Variants in MOV10 observed in about 807,000 individuals in gnomAD.
The protein encoded by MOV10 is Mov10 RNA helicase.
MOV10 carries 39 observed loss-of-function variants against 108.4 expected under a neutral mutation model. That is an observed-to-expected ratio of 0.36 (90% CI 0.28 to 0.47). The LOEUF (loss-of-function observed/expected upper bound fraction) is 0.47. MOV10 is among the 20% of genes least tolerant of loss of function. The pLI, the probability that MOV10 is intolerant of heterozygous loss-of-function variation, is 1.00. For synonymous variants in MOV10, 490 were observed against 523.1 expected, an observed-to-expected ratio of 0.94 and a Z score of 0.86; for missense variants, 952 against 1,297.6, an observed-to-expected ratio of 0.73 and a Z score of 4.09.
At position 112,689,093 on chromosome 1, in the gene MOV10, T is replaced by G. The variant is rs370943143; in HGVS notation, c.296T>G (p.Ile99Ser). 1.5e-5 allele frequency: 24 copies of G among 1,611,760 alleles called. 2 individuals are homozygous for G. In the South Asian group the frequency reaches 2.4e-4, roughly 16 times the overall value. ...AGGAGAATGAAGCTGGGGTCAGATA[T>G]CAGCAAACACCACAAGTCACTGCTA... is the stretch of plus-strand genomic sequence containing the variant. ...EKRRMKLGSD[I>S]SKHHKSLLAK... Residue 99 changes from isoleucine to serine, a missense_variant, in exon 3 of 21, where the codon ATC becomes AGC. Physicochemically the swap from Ile to Ser is moderately radical, Grantham distance 142. This residue lies in a region of MOV10 where 374 missense variants were observed against 468.6 expected (regional missense o/e 0.80). Coordinates refer to ENST00000369645, the MANE Select transcript of MOV10 (RefSeq NM_001321324.2).
chr1:112,681,099 C>A (rs1428827364), intron 2 of MOV10, among the ~76,000 whole-genome samples: 6 of 152,108 alleles, frequency 3.9e-5, no homozygotes, highest in Non-Finnish European at 5.9e-5. Context: ...GACCCCTCCC[C>A]TTATGGGCAT....
At chr1:112,685,216 G>T (rs1672978852) in intron 2 of MOV10, 1 of 145,930 alleles carries the variant, frequency 6.9e-6, no homozygotes, top group Admixed American at 7.1e-5. Flanking sequence ...TATTGCCCAG[G>T]CTGGTCTCAA....
rs1672036733 is a variant in MOV10 at position 112,674,716 on chromosome 1, A to C, written c.-79A>C. On this transcript the variant is annotated 5_prime_UTR_variant, in exon 1 of 21. Transcript: ENST00000369645. Reference sequence around the variant, plus strand: ...GGGAGGGGATAGGACGAAGAAACCGAAGGGAAAGCTCAGGTAAGAAAAGAA... The same window carrying C: ...GGGAGGGGATAGGACGAAGAAACCGCAGGGAAAGCTCAGGTAAGAAAAGAA... 1.9e-6 allele frequency: 1 copy of C among 519,572 alleles called. No homozygotes were observed. The highest frequency in any genetic ancestry group is 2.7e-5 in the South Asian group (1 of 37,686). The allele number at this position is 519,572 out of a possible 1,614,324, so 32.2% of individuals were successfully genotyped here. A position where few individuals can be genotyped will look rare whatever the true frequency, so the allele number is the denominator to read the frequency against.
intron 15 of MOV10, 53 bp downstream of exon 15, chr1:112,698,164 G>A: frequency 6.3e-7 from 1 of 1,597,092 alleles, no homozygotes; most frequent in South Asian, 1.1e-5. Context: ...CCCTCCCACT[G>A]AAGGTGCAGC....
At chr1:112,677,957 C>T (rs1035824953) in intron 2 of MOV10, among the ~76,000 whole-genome samples, 3 of 152,068 alleles carry the variant, frequency 2.0e-5, no homozygotes, top group East Asian at 1.9e-4. Context: ...TGTGCCTGTG[C>T]CTTGGTCCTT....
rs1673856498 is a variant in MOV10, at chr1:112,694,267, CG to C, written c.1295+99del. ...TTTCTCCCTGAGATAAATGAGACCC[CG>C]GGGCAGAGCAGGAGACTTTTCCTCA... On this transcript the variant is annotated intron_variant, in intron 8 of 20. Transcript: ENST00000369645. The surrounding 1 kb of genome is among the most constrained non-coding windows in gnomAD (Gnocchi z 4.1). 1 of 1,513,830 alleles carries C rather than the reference CG, an allele frequency of 6.6e-7. No individual in the cohort carries two copies. The highest frequency in any genetic ancestry group is 1.8e-5 in the Admixed American group (1 of 57,060). 93.8% of individuals were successfully genotyped at this position (1,513,830 alleles called of 1,614,324 possible).
chr1:112,677,349 C>G (rs1672275697), intron 2 of MOV10, among the ~76,000 whole-genome samples: 1 of 152,182 alleles, frequency 6.6e-6, no homozygotes. Flanking sequence ...ACTATCCCCG[C>G]TCTGTACCCT....
chr1:112,686,281 C>A (rs1266803508), intron 2 of MOV10, among the ~76,000 whole-genome samples: 1 of 152,224 alleles, frequency 6.6e-6, no homozygotes, highest in Non-Finnish European at 1.5e-5. Flanking sequence ...TGAAGCATAG[C>A]TGCTGTAGGC....
rs1297099658 is a variant in MOV10 at position 112,694,980 on chromosome 1, C to T, written c.1620+84C>T. On this transcript the variant is annotated intron_variant, in intron 10 of 20. Coordinates refer to ENST00000369645, the MANE Select transcript of MOV10 (RefSeq NM_001321324.2). The surrounding 1 kb of genome is among the most constrained non-coding windows in gnomAD (Gnocchi z 4.1). ...GTCCCCAGATTCTAGTTCCTTCCCACTCCCGAAATGCTCCTGCTTCTAAGC... is the reference window on the plus strand; with the variant it reads ...GTCCCCAGATTCTAGTTCCTTCCCATTCCCGAAATGCTCCTGCTTCTAAGC... The T allele has an allele frequency of 2.1e-6, 3 of 1,451,714 alleles. No homozygotes were observed. The highest frequency in any genetic ancestry group is 1.9e-6 in the Non-Finnish European group (2 of 1,075,140). The allele number at this position is 1,451,714 out of a possible 1,614,324, so 89.9% of individuals were successfully genotyped here.
intron 2 of MOV10, chr1:112,688,684 A>G: frequency 7.2e-7 from 1 of 1,382,748 alleles, no homozygotes; most frequent in Middle Eastern, 2.7e-4. Flanking sequence ...CCCCTCAGAA[A>G]CGAACAATCC....
chr1:112,686,604 G>A (rs1014884246), intron 2 of MOV10, among the ~76,000 whole-genome samples: 1 of 152,182 alleles, frequency 6.6e-6, no homozygotes, highest in Non-Finnish European at 1.5e-5. Flanking sequence ...TTTGGCCTGA[G>A]TTCTCAGCTT....
chr1:112,698,258 C>A (rs1384285059), intron 15 of MOV10, 29 bp from the exon 16 acceptor site: 3 of 1,605,846 alleles, frequency 1.9e-6, no homozygotes, highest in Non-Finnish European at 2.6e-6. Flanking sequence ...GGTGGTCTGG[C>A]TGACGGTTTC....
In MOV10 at chr1:112,689,403, C is replaced by T; in HGVS notation, c.342-12C>T. 2 of 1,600,366 alleles carry T rather than the reference C, an allele frequency of 1.2e-6. No individual in the cohort carries two copies. Among genetic ancestry groups the T allele is most frequent in the Non-Finnish European group, 1.7e-6 (2 of 1,168,090 alleles). On this transcript the variant is annotated splice_polypyrimidine_tract_variant and intron_variant, in intron 3 of 20. Transcript: ENST00000369645. Reference sequence around the variant, plus strand: ...CCCACCCCAACCCCCCCTTGACTCCCCTTCTCCCCAGGGCTGAGTATCTTC... The same window carrying T: ...CCCACCCCAACCCCCCCTTGACTCCTCTTCTCCCCAGGGCTGAGTATCTTC...
chr1:112,694,267 C>G lies in MOV10; in HGVS notation c.1295+95C>G. The G allele has an allele frequency of 6.6e-7, 1 of 1,513,950 alleles. No individual in the cohort carries two copies. Among genetic ancestry groups the G allele is most frequent in the Non-Finnish European group, 9.1e-7 (1 of 1,098,998 alleles). 93.8% of individuals were successfully genotyped at this position (1,513,950 alleles called of 1,614,324 possible). Reference sequence around the variant, plus strand: ...TTTCTCCCTGAGATAAATGAGACCCCGGGGCAGAGCAGGAGACTTTTCCTC... The same window carrying G: ...TTTCTCCCTGAGATAAATGAGACCCGGGGGCAGAGCAGGAGACTTTTCCTC... On this transcript the variant is annotated intron_variant, in intron 8 of 20. Coordinates refer to ENST00000369645, the MANE Select transcript of MOV10 (RefSeq NM_001321324.2). This position sits in a 1 kb window ranked among gnomAD's most constrained non-coding sequence, Gnocchi z 4.1.
chr1:112,696,075 G>A (rs1412451032), intron 11 of MOV10, 73 bp from the exon 12 acceptor site: 9 of 973,680 alleles, frequency 9.2e-6, no homozygotes, highest in South Asian at 1.4e-5. Flanking sequence ...TTGAGGGGGG[G>A]TACCCACAGC....
Position 112,700,548 on chromosome 1 carries a change from C to G in MOV10, c.*41C>G. ...CCTTCTCGCACCAGCCAAGCCTTAA[C>G]TGCCTGCCTGACCCTGAACCAGAAC... is the stretch of plus-strand genomic sequence containing the variant. On this transcript the variant is annotated 3_prime_UTR_variant, in exon 21 of 21. Coordinates refer to ENST00000369645, the MANE Select transcript of MOV10 (RefSeq NM_001321324.2). 6.2e-7 allele frequency: 1 copy of G among 1,607,200 alleles called. No individual in the cohort carries two copies. Among genetic ancestry groups the G allele is most frequent in the Non-Finnish European group, 8.5e-7 (1 of 1,176,442 alleles).
Position 112,692,920 on chromosome 1 carries a change from C to G in MOV10, c.1131C>G (p.Leu377=). The change falls in exon 7 of 21, where the codon CTC becomes CTG. Residue 377 remains leucine, a synonymous_variant. Coordinates refer to ENST00000369645, the MANE Select transcript of MOV10 (RefSeq NM_001321324.2). ...CTGTGGACCAGAACCCCAGGCTGCT[C>G]ACGCTGGAGGTCAGGGCTCAGATTG... is the stretch of plus-strand genomic sequence containing the variant. The part of the protein sequence containing the change: ...WDPVDQNPRL[L]TLEVPGVTES... 6.2e-7 allele frequency: 1 copy of G among 1,609,454 alleles called. No individual in the cohort carries two copies. Among genetic ancestry groups the G allele is most frequent in the Non-Finnish European group, 8.5e-7 (1 of 1,178,190 alleles).
At chr1:112,676,269 G>A (rs1672192899) in intron 2 of MOV10, among the ~76,000 whole-genome samples, 1 of 152,168 alleles carries the variant, frequency 6.6e-6, no homozygotes, top group Non-Finnish European at 1.5e-5. Context: ...CACAATATAG[G>A]ATAGTACATG....
At chr1:112,700,149 G>C (rs1008171155) in intron 19 of MOV10, 70 bp from the exon 20 acceptor site, 1 of 1,607,936 alleles carries the variant, frequency 6.2e-7, no homozygotes, top group African/African-American at 1.3e-5. Context: ...GGTTGAGCAA[G>C]TACAGCTCAG....
Sources: allele counts gnomAD v4.1 joint callset (sites outside exome capture counted in the v4.1 genomes callset), GRCh38; gene constraint gnomAD v4.1.1; regional missense constraint gnomAD v4.1.1; non-coding constraint Gnocchi (gnomAD v3.1); transcripts MANE v1.5; gene names NCBI Gene and HGNC (gene_info 2026-07-23, HGNC 2026-07-21).